HIP1: variants seen among roughly 807,000 people sequenced by gnomAD.
The protein encoded by HIP1 is huntingtin interacting protein 1.
HIP1 carries 65 observed loss-of-function variants against 147.6 expected under a neutral mutation model. That is an observed-to-expected ratio of 0.44 (90% CI 0.36 to 0.54). The LOEUF (loss-of-function observed/expected upper bound fraction) is 0.54. Among genes scored for constraint, HIP1 ranks in the 20% least tolerant of loss-of-function variants. HIP1 has a pLI of 0.00. For synonymous variants in HIP1, 479 were observed against 504.0 expected (o/e 0.95, Z 0.67); for missense variants, 1,061 against 1,299.6 (o/e 0.82, Z 2.82).
intron 1 of HIP1, among the ~76,000 whole-genome samples, chr7:75,650,429 A>G (rs1798933348): frequency 3.4e-5 from 5 of 148,248 alleles, no homozygotes; most frequent in Admixed American, 3.4e-4. Flanking sequence ...GGACAAGTCC[A>G]GGGATGTGTC....
At chr7:75,633,747 C>T (rs893957573) in intron 1 of HIP1, among the ~76,000 whole-genome samples, 2 of 152,196 alleles carry the variant, frequency 1.3e-5, no homozygotes, top group African/African-American at 2.4e-5. Flanking sequence ...ACTTCTACCA[C>T]ATCCCTCCTC....
chr7:75,563,335 C>G, intron 9 of HIP1, 72 bp from the exon 10 acceptor site: 1 of 1,381,124 alleles, frequency 7.2e-7, no homozygotes, highest in Non-Finnish European at 1.0e-6. Context: ...GAGCAGCCAC[C>G]TGGCTTTCCT....
chr7:75,718,817 AC>A (rs1801401211), intron 1 of HIP1, among the ~76,000 whole-genome samples: 1 of 151,958 alleles, frequency 6.6e-6, no homozygotes, highest in South Asian at 2.1e-4. Flanking sequence ...CCAGGTAAGC[AC>A]CTCCTGACAT....
At chr7:75,663,996 A>G (rs1554514041) in intron 1 of HIP1, among the ~76,000 whole-genome samples, 4 of 36,296 alleles carry the variant, frequency 1.1e-4, no homozygotes, top group African/African-American at 3.0e-4. Context: ...ATATATATAC[A>G]CATATATGTG....
At chr7:75,652,478 C>T (rs1554512136) in intron 1 of HIP1, among the ~76,000 whole-genome samples, 1 of 152,068 alleles carries the variant, frequency 6.6e-6, no homozygotes, top group Non-Finnish European at 1.5e-5. Context: ...ATCCTCTCAC[C>T]TCAGCCTCCT....
chr7:75,696,581 CCTCCCCTTCCCTCCCCTCTG>C (rs1421202427), intron 1 of HIP1, among the ~76,000 whole-genome samples: 4 of 119,000 alleles, frequency 3.4e-5, no homozygotes, highest in African/African-American at 1.3e-4. Context: ...CCTCCCCTCC[CCTCCCCTTCCCTCCCCTCTG>C]CTCCCCTTCC....
At position 75,589,683 on chromosome 7, in the gene HIP1, CAAAA is replaced by C. The variant is rs1159535613; in HGVS notation, c.384+2369_384+2372del. On this transcript the variant is annotated intron_variant, in intron 4 of 30. Coordinates refer to ENST00000336926, the MANE Select transcript of HIP1 (RefSeq NM_005338.7). The stretch of plus-strand genomic sequence containing the variant: ...AGGCAACAGAGCAAGACTCTGTCTC[CAAAA>C]AAAAAAAAAAAAAAAAAAAAAAAAA... Among the ~76,000 whole-genome samples, 304 of 49,632 alleles carry C rather than the reference CAAAA, an allele frequency of 6.1e-3. 10 individuals are homozygous for C. The highest frequency in any genetic ancestry group is 0.026 in the African/African-American group (294 of 11,460). 32.6% of individuals were successfully genotyped at this position (49,632 alleles called of 152,430 possible). A position where few individuals can be genotyped will look rare whatever the true frequency, so the allele number is the denominator to read the frequency against.
intron 3 of HIP1, 81 bp from the exon 4 acceptor site, chr7:75,592,193 G>T: frequency 6.9e-7 from 1 of 1,445,594 alleles, no homozygotes; most frequent in Non-Finnish European, 9.7e-7. Context: ...AGAGGCGGAG[G>T]TGAACCTAGG....
chr7:75,636,250 C>A (rs1554509685), intron 1 of HIP1, among the ~76,000 whole-genome samples: 1 of 151,056 alleles, frequency 6.6e-6, no homozygotes, highest in Non-Finnish European at 1.5e-5. Flanking sequence ...ACTAGGGAAG[C>A]TGAGGCACGA....
At chr7:75,603,822 GT>G (rs1299001881) in intron 1 of HIP1, among the ~76,000 whole-genome samples, 1 of 151,448 alleles carries the variant, frequency 6.6e-6, no homozygotes, top group Non-Finnish European at 1.5e-5. Context: ...GCAGTGAGCC[GT>G]GATCGCCCCC....
chr7:75,652,330 AC>A (rs1276241939), intron 1 of HIP1, among the ~76,000 whole-genome samples: 4 of 151,292 alleles, frequency 2.6e-5, no homozygotes, highest in African/African-American at 9.7e-5. Flanking sequence ...AAAAAAAAAA[AC>A]CACTATATGT....
At chr7:75,730,537 C>T (rs567658336) in intron 1 of HIP1, among the ~76,000 whole-genome samples, 1 of 151,200 alleles carries the variant, frequency 6.6e-6, no homozygotes, top group African/African-American at 2.4e-5. Context: ...CAGGGTTTCT[C>T]CATGTTGGTC....
intron 1 of HIP1, chr7:75,639,056 T>C: frequency 1.0e-6 from 1 of 983,794 alleles, no homozygotes; most frequent in Non-Finnish European, 1.2e-6. Context: ...CTTACCATCT[T>C]GCTCACATCC....
At chr7:75,639,961 A>C (rs1309480331) in intron 1 of HIP1, among the ~76,000 whole-genome samples, 2 of 152,100 alleles carry the variant, frequency 1.3e-5, no homozygotes, top group African/African-American at 4.8e-5. Context: ...AGTGAGGGAA[A>C]TTGGCTCCGT....
At chr7:75,597,569 G>A (rs782425240) in intron 2 of HIP1, among the ~76,000 whole-genome samples, 7 of 151,876 alleles carry the variant, frequency 4.6e-5, no homozygotes, top group African/African-American at 1.7e-4. Flanking sequence ...GCAAAACCCC[G>A]TCTCTACTAA....
intron 1 of HIP1, among the ~76,000 whole-genome samples, chr7:75,704,732 C>T (rs931191051): frequency 6.6e-6 from 1 of 151,808 alleles, no homozygotes; most frequent in African/African-American, 2.4e-5. Context: ...CGCCATCATG[C>T]CCGGCTAATT....
chr7:75,559,597 T>G, intron 14 of HIP1, 135 bp downstream of exon 14: 1 of 734,966 alleles, frequency 1.4e-6, no homozygotes. Flanking sequence ...GGCTAAGAGC[T>G]GGCATTCCTA....
intron 1 of HIP1, among the ~76,000 whole-genome samples, chr7:75,647,709 G>A (rs1798849862): frequency 2.0e-5 from 3 of 152,258 alleles, no homozygotes; most frequent in Admixed American, 2.0e-4. Flanking sequence ...TGCTGGCCCT[G>A]GCAGCAGCTG....
intron 1 of HIP1, among the ~76,000 whole-genome samples, chr7:75,636,168 T>G (rs1798421216): frequency 6.6e-6 from 1 of 151,104 alleles, no homozygotes; most frequent in Admixed American, 6.6e-5. Flanking sequence ...ATGGTGAAAC[T>G]CTGTCTCTAC....
Sources: gnomAD v4.1 joint callset for allele counts (sites outside exome capture counted in the v4.1 genomes callset) on GRCh38, gnomAD v4.1.1 for gene constraint, MANE v1.5 for transcripts, NCBI Gene and HGNC (gene_info 2026-07-23, HGNC 2026-07-21) for gene names.